The following MRPL42 variants were observed in gnomAD, a reference collection of about 807,000 sequenced individuals.
MRPL42 encodes large ribosomal subunit protein mL42.
A neutral mutation model predicts 17.9 loss-of-function variants in MRPL42; 17 were observed. The observed-to-expected ratio is 0.95, with a 90% CI of 0.65 to 1.42. The LOEUF is 1.42. Ranked by LOEUF, MRPL42 falls within the 40% of genes most tolerant of loss-of-function variation. MRPL42 has a pLI of 0.00. For missense variants in MRPL42, 177 were observed against 175.2 expected (o/e 1.01, Z -0.06); for synonymous variants, 59 against 54.4 (o/e 1.08, Z -0.37).
In MRPL42 at chr12:93,512,568, G is replaced by A. The variant is rs1953734883; in HGVS notation, c.*11347G>A. Reference sequence around the variant, plus strand: ...ATAGCTTCAGAATTCTTTCATACAAGGCAGGAATGCAACTTGTTTTTTAAT... The same window carrying A: ...ATAGCTTCAGAATTCTTTCATACAAAGCAGGAATGCAACTTGTTTTTTAAT... On this transcript the variant is annotated 3_prime_UTR_variant, in exon 6 of 6. Coordinates refer to ENST00000549982, the MANE Select transcript of MRPL42 (RefSeq NM_014050.4). 1 of 152,520 alleles carries A rather than the reference G, an allele frequency of 6.6e-6. No homozygotes were observed. The highest frequency in any genetic ancestry group is 2.1e-4 in the South Asian group (1 of 4,826). The allele number at this position is 152,520 out of a possible 1,614,324, so 9.4% of individuals were successfully genotyped here.
In MRPL42 at chr12:93,509,462, T is replaced by C. The variant is rs1953704974; in HGVS notation, c.*8241T>C. 6.6e-6 allele frequency: 1 copy of C among 152,056 alleles called. No homozygotes were observed. Among genetic ancestry groups the C allele is most frequent in the Non-Finnish European group, 1.5e-5 (1 of 68,006 alleles). The allele number at this position is 152,056 out of a possible 1,614,324, so 9.4% of individuals were successfully genotyped here. On this transcript the variant is annotated 3_prime_UTR_variant, in exon 6 of 6. Transcript: ENST00000549982. ...TTCAAATCATTTGCTCTTTTTTTTT[T>C]CTTAGCACTTAAAAAAGACTTTTTG...
intron 2 of MRPL42, among the ~76,000 whole-genome samples, chr12:93,471,388 T>A (rs935475923): frequency 1.4e-4 from 21 of 152,030 alleles, no homozygotes; most frequent in African/African-American, 5.1e-4. Flanking sequence ...GGTCTCGAAC[T>A]CCCAACCTTA....
intron 2 of MRPL42, among the ~76,000 whole-genome samples, chr12:93,475,623 A>C (rs548786610): frequency 1.3e-3 from 202 of 152,242 alleles, no homozygotes; most frequent in Middle Eastern, 3.4e-3. Context: ...GCTACTTTTA[A>C]ATTTTTTTCT....
intron 2 of MRPL42, among the ~76,000 whole-genome samples, chr12:93,476,028 C>A (rs527902319): frequency 1.3e-5 from 2 of 152,098 alleles, no homozygotes; most frequent in South Asian, 4.1e-4. Context: ...ACAATTTTGG[C>A]TCTTGAATTT....
intron 5 of MRPL42, among the ~76,000 whole-genome samples, chr12:93,494,651 G>GGACA (rs1592784714): frequency 6.6e-6 from 1 of 152,114 alleles, no homozygotes; most frequent in Non-Finnish European, 1.5e-5. Flanking sequence ...AGAGGTCAAG[G>GGACA]GACAGGTCTT....
intron 5 of MRPL42, chr12:93,487,971 CTTT>C (rs35810496): frequency 4.7e-3 from 837 of 178,768 alleles, no homozygotes; most frequent in Non-Finnish European, 6.1e-3. Flanking sequence ...TAATTTTGTT[CTTT>C]TTTTTTTTTT....
At chr12:93,481,597 C>A (rs1396322740) in intron 4 of MRPL42, among the ~76,000 whole-genome samples, 1 of 152,176 alleles carries the variant, frequency 6.6e-6, no homozygotes, top group Non-Finnish European at 1.5e-5. Flanking sequence ...GTTTTACCCT[C>A]ATTCTTTTAC....
Position 93,511,060 on chromosome 12 carries a change from G to A in MRPL42, c.*9839G>A, listed in dbSNP as rs1284339111. ...CAACAGTATTAGTAAACCTAATGGT[G>A]ACAATAAAAGCGATTCTGAATAAAT... On this transcript the variant is annotated 3_prime_UTR_variant, in exon 6 of 6. Transcript: ENST00000549982. 1 of 152,136 alleles carries A rather than the reference G, an allele frequency of 6.6e-6. No homozygotes were observed. The highest frequency in any genetic ancestry group is 1.9e-4 in the East Asian group (1 of 5,202). The allele number at this position is 152,136 out of a possible 1,614,324, so 9.4% of individuals were successfully genotyped here. A position where few individuals can be genotyped will look rare whatever the true frequency, so the allele number is the denominator to read the frequency against.
At chr12:93,479,014 C>T (rs1223709585) in intron 3 of MRPL42, among the ~76,000 whole-genome samples, 1 of 150,966 alleles carries the variant, frequency 6.6e-6, no homozygotes, top group Non-Finnish European at 1.5e-5. Flanking sequence ...TTCCTTCAGC[C>T]TCTGCCTCCT....
At chr12:93,472,133 A>G (rs1337268592) in intron 2 of MRPL42, among the ~76,000 whole-genome samples, 1 of 152,190 alleles carries the variant, frequency 6.6e-6, no homozygotes, top group African/African-American at 2.4e-5. Flanking sequence ...GTGTTTGTTC[A>G]AGTAATCTGA....
intron 3 of MRPL42, 114 bp from the exon 4 acceptor site, chr12:93,479,274 A>T (rs1880339527): frequency 1.9e-6 from 1 of 518,360 alleles, no homozygotes; most frequent in Non-Finnish European, 3.2e-6. Flanking sequence ...TGGAGTGCCC[A>T]CTGCACTCCA....
intron 2 of MRPL42, among the ~76,000 whole-genome samples, chr12:93,474,675 A>T (rs889532307): frequency 1.3e-5 from 2 of 152,062 alleles, no homozygotes; most frequent in Non-Finnish European, 2.9e-5. Flanking sequence ...GGCCTTGAGC[A>T]GTGTTGGCCT....
chr12:93,501,189 C>A lies in MRPL42; in HGVS notation c.397C>A (p.Arg133Ser). 2 of 1,599,394 alleles carry A rather than the reference C, an allele frequency of 1.3e-6. No homozygotes were observed. The highest frequency in any genetic ancestry group is 2.3e-5 in the South Asian group (2 of 87,798). ...WYPHGRYHRC[R>S]KNLNPPKDR The stretch of plus-strand genomic sequence containing the variant: ...CTTCTTTTCAAGGTATCACAGATGT[C>A]GTAAGAATCTGAATCCTCCAAAAGA... The change falls in exon 6 of 6, where the codon CGT becomes AGT. Residue 133 changes from arginine (R) to serine (S), a missense_variant. Transcript: ENST00000549982.
At chr12:93,469,996 C>T (rs1185341833) in intron 2 of MRPL42, among the ~76,000 whole-genome samples, 3 of 147,842 alleles carry the variant, frequency 2.0e-5, no homozygotes, top group Non-Finnish European at 3.0e-5. Context: ...TTTTTTTTAA[C>T]GGAGTCTGGC....
At chr12:93,489,466 G>A (rs1312360483) in intron 5 of MRPL42, among the ~76,000 whole-genome samples, 1 of 151,900 alleles carries the variant, frequency 6.6e-6, no homozygotes, top group African/African-American at 2.4e-5. Flanking sequence ...GGGGGGGCAG[G>A]CAACATAGTC....
chr12:93,482,188 T>A (rs1880497792), intron 4 of MRPL42, among the ~76,000 whole-genome samples: 1 of 152,212 alleles, frequency 6.6e-6, no homozygotes, highest in Non-Finnish European at 1.5e-5. Flanking sequence ...TTCCGTTGCC[T>A]GGAATGCTTT....
chr12:93,500,028 T>G (rs191041508), intron 5 of MRPL42, among the ~76,000 whole-genome samples: 5 of 152,298 alleles, frequency 3.3e-5, no homozygotes, highest in Non-Finnish European at 5.9e-5. Context: ...AAATGTTTCT[T>G]AAATCAGTAA....
intron 5 of MRPL42, among the ~76,000 whole-genome samples, chr12:93,494,611 T>C (rs551646337): frequency 2.5e-4 from 38 of 152,284 alleles, no homozygotes; most frequent in African/African-American, 8.4e-4. Context: ...CTACTACACA[T>C]GTCAAGTAGG....
In MRPL42 at chr12:93,505,268, AG is replaced by A. The variant is rs1463979890; in HGVS notation, c.*4048del. ...TTCAATTAGATTCCAAAAATTTTTA[AG>A]AAAAAAAGATATAATGTGCCATCAT... On this transcript the variant is annotated 3_prime_UTR_variant, in exon 6 of 6. Coordinates refer to ENST00000549982, the MANE Select transcript of MRPL42 (RefSeq NM_014050.4). 1 of 152,206 alleles carries A rather than the reference AG, an allele frequency of 6.6e-6. No individual in the cohort carries two copies. The highest frequency in any genetic ancestry group is 1.5e-5 in the Non-Finnish European group (1 of 68,034). The allele number at this position is 152,206 out of a possible 1,614,324, so 9.4% of individuals were successfully genotyped here.
Sources: gnomAD v4.1 joint callset for allele counts (sites outside exome capture counted in the v4.1 genomes callset) on GRCh38, gnomAD v4.1.1 for gene constraint, MANE v1.5 for transcripts, NCBI Gene and HGNC (gene_info 2026-07-23, HGNC 2026-07-21) for gene names.